MARCHF1: variants seen among roughly 807,000 people sequenced by gnomAD.
MARCHF1 encodes membrane associated ring-CH-type finger 1.
Under a neutral mutation model 54.2 loss-of-function variants are expected in MARCHF1, and 40 were observed. That is an observed-to-expected ratio of 0.74 (90% CI 0.57 to 0.96). The LOEUF is 0.96. Among genes scored for constraint, MARCHF1 ranks in the 40% least tolerant of loss-of-function variants. MARCHF1 has a pLI of 0.00. For missense variants in MARCHF1, 586 were observed against 656.5 expected (o/e 0.89, Z 1.17); for synonymous variants, 236 against 236.3 (o/e 1.00, Z 0.01).
chr4:163,559,477 T>A (rs754101181), intron 8 of MARCHF1, among the ~76,000 whole-genome samples: 7 of 152,176 alleles, frequency 4.6e-5, no homozygotes, highest in Non-Finnish European at 1.0e-4. Context: ...CACATCCATG[T>A]TGGGAACCTG....
chr4:163,777,486 T>C (rs559930310), intron 4 of MARCHF1, among the ~76,000 whole-genome samples: 7 of 152,234 alleles, frequency 4.6e-5, no homozygotes, highest in East Asian at 1.9e-4. Flanking sequence ...CTGCAAAAAA[T>C]TGTGTAAAAA....
chr4:163,723,005 G>A (rs1745529141), intron 4 of MARCHF1, among the ~76,000 whole-genome samples: 1 of 152,166 alleles, frequency 6.6e-6, no homozygotes, highest in Admixed American at 6.5e-5. Context: ...CTTTTAAGTG[G>A]AGCATTTAGC....
intron 8 of MARCHF1, among the ~76,000 whole-genome samples, chr4:163,573,558 C>T (rs1406390980): frequency 1.1e-4 from 17 of 148,122 alleles, no homozygotes; most frequent in South Asian, 4.3e-4. Flanking sequence ...TGAGAATACG[C>T]GGTGTTTGGT....
intron 4 of MARCHF1, among the ~76,000 whole-genome samples, chr4:163,710,318 G>A (rs1028657483): frequency 2.2e-4 from 33 of 152,030 alleles, no homozygotes; most frequent in African/African-American, 7.7e-4. Flanking sequence ...AATAATTTCT[G>A]TTTTTGCCAT....
intron 9 of MARCHF1, among the ~76,000 whole-genome samples, chr4:163,540,885 C>A (rs954241822): frequency 6.6e-6 from 1 of 152,076 alleles, no homozygotes; most frequent in Non-Finnish European, 1.5e-5. Context: ...ACGGTGATTC[C>A]CACCTGTAGT....
At chr4:164,270,758 T>C (rs1733725897) in intron 1 of MARCHF1, among the ~76,000 whole-genome samples, 1 of 152,184 alleles carries the variant, frequency 6.6e-6, no homozygotes, top group African/African-American at 2.4e-5. Flanking sequence ...GAGGAAGGGA[T>C]ATATTATTTT....
chr4:163,791,214 A>C (rs1236850194), intron 4 of MARCHF1, among the ~76,000 whole-genome samples: 4 of 152,110 alleles, frequency 2.6e-5, no homozygotes, highest in African/African-American at 9.7e-5. Context: ...TGATTTAGAA[A>C]CTTACGATAG....
intron 1 of MARCHF1, among the ~76,000 whole-genome samples, chr4:164,375,443 T>TAATA (rs1731157419): frequency 1.3e-5 from 2 of 152,116 alleles, no homozygotes; most frequent in African/African-American, 2.4e-5. Context: ...ATACATTGAG[T>TAATA]AATAAATAAA....
intron 4 of MARCHF1, among the ~76,000 whole-genome samples, chr4:163,701,879 G>A (rs1229420428): frequency 6.6e-6 from 1 of 151,900 alleles, no homozygotes; most frequent in Non-Finnish European, 1.5e-5. Context: ...AAGTGGGCCT[G>A]AGTAGGCAAC....
chr4:164,176,964 C>CTA (rs1730687463), intron 1 of MARCHF1, among the ~76,000 whole-genome samples: 1 of 47,724 alleles, frequency 2.1e-5, no homozygotes, highest in African/African-American at 1.1e-4. Flanking sequence ...CTCTCTCTCT[C>CTA]TCTCTCTCTC....
At chr4:164,268,929 A>C (rs1733676452) in intron 1 of MARCHF1, among the ~76,000 whole-genome samples, 1 of 152,190 alleles carries the variant, frequency 6.6e-6, no homozygotes, top group Admixed American at 6.5e-5. Context: ...ATGAGAGTGT[A>C]GCAAAGGTCA....
chr4:164,058,854 A>T (rs1003754347), intron 2 of MARCHF1, among the ~76,000 whole-genome samples: 6 of 152,212 alleles, frequency 3.9e-5, no homozygotes, highest in Admixed American at 2.6e-4. Flanking sequence ...GAAACCAATG[A>T]GTCACAATGA....
chr4:163,776,685 C>G (rs1747314912), intron 4 of MARCHF1, among the ~76,000 whole-genome samples: 1 of 152,112 alleles, frequency 6.6e-6, no homozygotes, highest in Non-Finnish European at 1.5e-5. Flanking sequence ...ATCTCCAACA[C>G]TCAGCACATT....
At chr4:163,972,625 C>T (rs1352762913) in intron 3 of MARCHF1, among the ~76,000 whole-genome samples, 2 of 152,068 alleles carry the variant, frequency 1.3e-5, no homozygotes, top group Non-Finnish European at 2.9e-5. Flanking sequence ...CAGCTCACTG[C>T]AAGCTCCACC....
At chr4:164,172,645 AT>A (rs1308111183) in intron 1 of MARCHF1, among the ~76,000 whole-genome samples, 1 of 152,160 alleles carries the variant, frequency 6.6e-6, no homozygotes, top group East Asian at 1.9e-4. Flanking sequence ...TAAAAGAATT[AT>A]TTTTTTGTGT....
chr4:163,812,081 C>T (rs1748403102), intron 4 of MARCHF1, among the ~76,000 whole-genome samples: 1 of 151,934 alleles, frequency 6.6e-6, no homozygotes, highest in African/African-American at 2.4e-5. Context: ...GATCTTCTGT[C>T]TTTGGTGCTC....
At position 163,527,557 on chromosome 4, in the gene MARCHF1, C is replaced by T. The variant is rs1738161389; in HGVS notation, c.*1191G>A. 3 of 152,024 alleles carry T rather than the reference C, an allele frequency of 2.0e-5. No individual in the cohort carries two copies. The highest frequency in any genetic ancestry group is 2.0e-4 in the Admixed American group (3 of 15,236). 9.4% of individuals were successfully genotyped at this position (152,024 alleles called of 1,614,324 possible). On this transcript the variant is annotated 3_prime_UTR_variant, in exon 10 of 10. Coordinates refer to ENST00000514618, the MANE Select transcript of MARCHF1 (RefSeq NM_001394959.1). ...CTTTCTATACTTTTGGATTTTTACCCTTTAGAGATGTGAACTTCATCTGAC... is the reference window on the plus strand; with the variant it reads ...CTTTCTATACTTTTGGATTTTTACCTTTTAGAGATGTGAACTTCATCTGAC...
chr4:163,984,944 A>G (rs955059047), intron 3 of MARCHF1, among the ~76,000 whole-genome samples: 1 of 152,132 alleles, frequency 6.6e-6, no homozygotes, highest in East Asian at 1.9e-4. Flanking sequence ...ATCTTCTCCC[A>G]AAGCTTTCCC....
chr4:163,617,469 T>C (rs979438477), intron 5 of MARCHF1, among the ~76,000 whole-genome samples: 1 of 152,152 alleles, frequency 6.6e-6, no homozygotes, highest in African/African-American at 2.4e-5. Flanking sequence ...TATACAAATA[T>C]TGAAATATCA....
Sources: allele counts gnomAD v4.1 joint callset (sites outside exome capture counted in the v4.1 genomes callset), GRCh38; gene constraint gnomAD v4.1.1; transcripts MANE v1.5; gene names NCBI Gene and HGNC (gene_info 2026-07-23, HGNC 2026-07-21).